LMAN2L: variants seen among roughly 807,000 people sequenced by gnomAD.
The protein encoded by LMAN2L is VIP36-like protein.
In LMAN2L, 30 loss-of-function variants were observed where a neutral mutation model predicts 44.3. That is an observed-to-expected ratio of 0.68 (90% confidence interval 0.51 to 0.92). The LOEUF is 0.92. Among genes scored for constraint, LMAN2L ranks in the 40% least tolerant of loss-of-function variants. The probability of loss-of-function intolerance (pLI) is 0.00; values close to 1 mark genes in which losing one functional copy is unlikely to be tolerated. For missense variants in LMAN2L, 429 were observed against 446.1 expected (o/e 0.96, Z 0.35); for synonymous variants, 183 against 171.1 (o/e 1.07, Z -0.54).
chr2:96,723,837 C>T (rs1032191211), intron 4 of LMAN2L, among the ~76,000 whole-genome samples: 1 of 152,040 alleles, frequency 6.6e-6, no homozygotes, highest in Admixed American at 6.5e-5. Context: ...GCCTGTAATC[C>T]CAGCACACTG....
chr2:96,739,841 C>T lies in LMAN2L; in HGVS notation c.187+13G>A. 2 of 1,612,708 alleles carry T rather than the reference C, an allele frequency of 1.2e-6. No homozygotes were observed. The highest frequency in any genetic ancestry group is 2.2e-5 in the East Asian group (1 of 44,880). On this transcript the variant is annotated intron_variant, in intron 1 of 7. Coordinates refer to ENST00000264963, the MANE Select transcript of LMAN2L (RefSeq NM_030805.4). Reference sequence around the variant, plus strand: ...CGCCCCACTGCACGACCACCTCACCCTGGGCGCCTCACCCTGGTAGGGCTT... The same window carrying T: ...CGCCCCACTGCACGACCACCTCACCTTGGGCGCCTCACCCTGGTAGGGCTT...
At position 96,733,495 on chromosome 2, in the gene LMAN2L, C is replaced by T. The variant is rs370856673; in HGVS notation, c.507+24G>A. The T allele has an allele frequency of 3.2e-6, 5 of 1,571,852 alleles. No individual in the cohort carries two copies. The African/African-American group carries it at 5.4e-5, about 17-fold the overall frequency. The stretch of plus-strand genomic sequence containing the variant: ...GAACTGTGATGTCAGTGTAGCTGAC[C>T]TAGGCTCTGACACTTGCCATTACCT... On this transcript the variant is annotated intron_variant, in intron 4 of 7. Coordinates refer to ENST00000264963, the MANE Select transcript of LMAN2L (RefSeq NM_030805.4).
chr2:96,707,877 G>C (rs768857885), intron 6 of LMAN2L, 44 bp from the exon 7 acceptor site: 6 of 1,603,700 alleles, frequency 3.7e-6, no homozygotes, highest in Non-Finnish European at 5.1e-6. Context: ...ACTTGAAAAA[G>C]AGGTATGTTT....
intron 2 of LMAN2L, chr2:96,737,130 A>T (rs540510512): frequency 2.2e-6 from 1 of 455,958 alleles, no homozygotes; most frequent in Non-Finnish European, 4.4e-6. Context: ...AGAAAGCATC[A>T]TCTTACACTT....
At chr2:96,731,391 G>A (rs1383878019) in intron 4 of LMAN2L, among the ~76,000 whole-genome samples, 2 of 152,156 alleles carry the variant, frequency 1.3e-5, no homozygotes, top group Non-Finnish European at 2.9e-5. Context: ...GCTCATACCT[G>A]TAACCCCACC....
At chr2:96,713,269 CA>C (rs556352404) in intron 4 of LMAN2L, 618 of 746,334 alleles carry the variant, frequency 8.3e-4, no homozygotes, top group Non-Finnish European at 1.3e-3. Context: ...CTTAAATCCC[CA>C]AACAGAATTT....
At chr2:96,707,523 C>A (rs937982908) in intron 7 of LMAN2L, 125 bp from the exon 8 acceptor site, 2 of 1,280,306 alleles carry the variant, frequency 1.6e-6, no homozygotes, top group East Asian at 2.5e-5. Flanking sequence ...GCTTAGACCC[C>A]CTCTTTCCAA....
chr2:96,732,780 TTTC>T (rs1242347023), intron 4 of LMAN2L, among the ~76,000 whole-genome samples: 2 of 150,080 alleles, frequency 1.3e-5, no homozygotes, highest in Admixed American at 6.6e-5. Flanking sequence ...GTTATAGCCT[TTTC>T]TTTCTTTCTT....
At chr2:96,712,976 G>A (rs1418185440) in intron 4 of LMAN2L, 1 of 731,074 alleles carries the variant, frequency 1.4e-6, no homozygotes, top group Non-Finnish European at 2.3e-6. Context: ...TGGTTAACAT[G>A]CAAGATGGAG....
At chr2:96,711,547 C>T in intron 6 of LMAN2L, 109 bp downstream of exon 6, 2 of 703,852 alleles carry the variant, frequency 2.8e-6, no homozygotes, top group South Asian at 1.8e-5. Context: ...TGAGGCACCT[C>T]CTTCCAGAGC....
chr2:96,740,030 G>C lies in LMAN2L; in HGVS notation c.11C>G (p.Thr4Ser). Residue 4 changes from threonine (T) to serine (S), a missense_variant, in exon 1 of 8, where the codon ACT (threonine) becomes AGT (serine). Transcript: ENST00000264963. MAA[T>S]LGPLGSWQQW... is the part of the protein sequence containing the mutation. ...CTGCCACGACCCAAGGGGTCCCAGAGTCGCCGCCATCTTTCCCACCAACGA... is the reference window on the plus strand; with the variant it reads ...CTGCCACGACCCAAGGGGTCCCAGACTCGCCGCCATCTTTCCCACCAACGA... 1.9e-6 allele frequency: 3 copies of C among 1,607,388 alleles called. No individual in the cohort carries two copies. Among genetic ancestry groups the C allele is most frequent in the Non-Finnish European group, 2.5e-6 (3 of 1,176,838 alleles).
chr2:96,712,058 G>A, intron 4 of LMAN2L, 33 bp from the exon 5 acceptor site: 1 of 1,610,060 alleles, frequency 6.2e-7, no homozygotes, highest in Non-Finnish European at 8.5e-7. Flanking sequence ...CAGACACTAA[G>A]GAAGAGCACA....
chr2:96,739,695 G>A (rs2078592872), intron 1 of LMAN2L, among the ~76,000 whole-genome samples, 159 bp downstream of exon 1: 1 of 152,074 alleles, frequency 6.6e-6, no homozygotes, highest in Non-Finnish European at 1.5e-5. Flanking sequence ...CTGCCTTTCA[G>A]ACCTGTGGCT....
At chr2:96,720,736 C>T (rs752323325) in intron 4 of LMAN2L, among the ~76,000 whole-genome samples, 5 of 152,014 alleles carry the variant, frequency 3.3e-5, no homozygotes, top group South Asian at 2.1e-4. Flanking sequence ...GTCAGGAGTT[C>T]GAGACCAGCC....
At chr2:96,713,131 C>A in intron 4 of LMAN2L, 3 of 1,551,428 alleles carry the variant, frequency 1.9e-6, no homozygotes, top group Non-Finnish European at 1.7e-6. Context: ...AATATCGCCT[C>A]TTCTGGGCCT....
rs371476709 is a variant in LMAN2L, at chr2:96,711,630, C to A, written c.784+26G>T. On this transcript the variant is annotated intron_variant, in intron 6 of 7. Coordinates refer to ENST00000264963, the MANE Select transcript of LMAN2L (RefSeq NM_030805.4). ...TATTGAGAAGAGGCCTCAGTCAGGGCAAACCAAGAGTGCGCGTGGCAGTAC... is the reference window on the plus strand; with the variant it reads ...TATTGAGAAGAGGCCTCAGTCAGGGAAAACCAAGAGTGCGCGTGGCAGTAC... 8.3e-5 allele frequency: 126 copies of A among 1,518,480 alleles called. No individual in the cohort carries two copies. The Middle Eastern group carries it at 2.2e-3, about 26-fold the overall frequency. 94.1% of individuals were successfully genotyped at this position (1,518,480 alleles called of 1,614,324 possible). A position where few individuals can be genotyped will look rare whatever the true frequency, so the allele number is the denominator to read the frequency against.
intron 1 of LMAN2L, among the ~76,000 whole-genome samples, chr2:96,738,331 T>A (rs142740826): frequency 6.6e-6 from 1 of 152,180 alleles, no homozygotes; most frequent in Non-Finnish European, 1.5e-5. Flanking sequence ...CCGTTTTATA[T>A]GTGAGTAAAC....
chr2:96,711,596 A>G (rs2077917272), intron 6 of LMAN2L, 60 bp downstream of exon 6: 1 of 1,108,618 alleles, frequency 9.0e-7, no homozygotes, highest in African/African-American at 1.5e-5. Context: ...GGCCTCAATG[A>G]AGTGTGGGTA....
At chr2:96,712,580 C>CTTATAA (rs1327113096) in intron 4 of LMAN2L, among the ~76,000 whole-genome samples, 3 of 152,150 alleles carry the variant, frequency 2.0e-5, no homozygotes, top group African/African-American at 7.2e-5. Context: ...GCATATAAGG[C>CTTATAA]TAAATGGATT....
Sources: allele counts gnomAD v4.1 joint callset (sites outside exome capture counted in the v4.1 genomes callset), GRCh38; gene constraint gnomAD v4.1.1; transcripts MANE v1.5; gene names NCBI Gene and HGNC (gene_info 2026-07-23, HGNC 2026-07-21).